Variants in IQCK observed in about 807,000 individuals in gnomAD.
IQCK encodes IQ domain-containing protein K.
A neutral mutation model predicts 28.1 loss-of-function variants in IQCK; 29 were observed. The observed-to-expected ratio is 1.03, with a 90% CI of 0.77 to 1.41. IQCK has a LOEUF of 1.41. Ranked by LOEUF, IQCK falls within the 40% of genes most tolerant of loss-of-function variation. The pLI is 0.00. For synonymous variants in IQCK, 113 were observed against 115.1 expected (o/e 0.98, Z 0.12); for missense variants, 359 against 314.7 (o/e 1.14, Z -1.07).
At chr16:19,737,057 G>A (rs1196920992) in intron 4 of IQCK, among the ~76,000 whole-genome samples, 1 of 151,824 alleles carries the variant, frequency 6.6e-6, no homozygotes, top group Non-Finnish European at 1.5e-5. Context: ...AGCTGCTCAT[G>A]GGGCTGAGAT....
chr16:19,837,437 C>G (rs1009544312), intron 9 of IQCK, among the ~76,000 whole-genome samples: 4 of 152,150 alleles, frequency 2.6e-5, no homozygotes, highest in East Asian at 1.9e-4. Flanking sequence ...TTTGGAGGGT[C>G]TGACAGAACC....
intron 6 of IQCK, among the ~76,000 whole-genome samples, chr16:19,779,835 A>T (rs1240861665): frequency 6.6e-6 from 1 of 150,594 alleles, no homozygotes; most frequent in Non-Finnish European, 1.5e-5. Context: ...CTCCTGCCTC[A>T]GCCTCCCGAG....
intron 6 of IQCK, among the ~76,000 whole-genome samples, chr16:19,777,735 C>A (rs749009670): frequency 1.3e-5 from 2 of 152,098 alleles, no homozygotes; most frequent in African/African-American, 2.4e-5. Context: ...TTTCTTCCTG[C>A]TGTTTCTCCA....
intron 1 of IQCK, among the ~76,000 whole-genome samples, chr16:19,721,311 G>A (rs1977488655): frequency 6.6e-6 from 1 of 152,150 alleles, no homozygotes. Context: ...TACAAAGTAG[G>A]TCAATATCTA....
At chr16:19,748,296 A>C (rs1008610259) in intron 4 of IQCK, among the ~76,000 whole-genome samples, 1 of 151,908 alleles carries the variant, frequency 6.6e-6, no homozygotes, top group African/African-American at 2.4e-5. Context: ...GCCAGTCTGA[A>C]ACTTCTGACT....
At chr16:19,764,176 T>C in intron 6 of IQCK, 64 bp downstream of exon 6, 6 of 1,347,952 alleles carry the variant, frequency 4.5e-6, no homozygotes, top group South Asian at 3.8e-5. Context: ...ATAATACTTT[T>C]CTTCCATCTA....
chr16:19,855,438 A>G (rs4782292), intron 9 of IQCK, among the ~76,000 whole-genome samples: 1 of 152,066 alleles, frequency 6.6e-6, no homozygotes, highest in Admixed American at 6.5e-5. Flanking sequence ...TAAAAATACA[A>G]AAAGTAGCAG....
intron 4 of IQCK, among the ~76,000 whole-genome samples, chr16:19,742,513 C>A (rs2054852208): frequency 6.6e-6 from 1 of 152,152 alleles, no homozygotes; most frequent in African/African-American, 2.4e-5. Context: ...TTCCTCACAT[C>A]CTGTCATTGG....
At chr16:19,734,237 C>CT (rs1977933193) in intron 3 of IQCK, among the ~76,000 whole-genome samples, 2 of 152,046 alleles carry the variant, frequency 1.3e-5, no homozygotes, top group Admixed American at 1.3e-4. Flanking sequence ...TGGCTCATGC[C>CT]TATAATCCCA....
In IQCK at chr16:19,808,375, C is replaced by T. The variant is rs77833760; in HGVS notation, c.691-18651C>T. ...GTCACAATGTACCCCCAGTATGTGA[C>T]GAAAACTGATAAACCACACTCCAGG... On this transcript the variant is annotated intron_variant, in intron 7 of 7. Transcript: ENST00000564186. 3.5e-4 allele frequency among the ~76,000 whole-genome samples: 53 copies of T among 152,272 alleles called. No homozygotes were observed. In the East Asian group the frequency reaches 7.0e-3, roughly 20 times the overall value.
intron 7 of IQCK, among the ~76,000 whole-genome samples, chr16:19,816,079 A>G (rs1025673832): frequency 3.9e-5 from 6 of 152,178 alleles, no homozygotes; most frequent in African/African-American, 1.4e-4. Context: ...ACTGTAATAT[A>G]TGAACTGCCT....
At chr16:19,778,764 T>A (rs2055433182) in intron 6 of IQCK, among the ~76,000 whole-genome samples, 2 of 152,208 alleles carry the variant, frequency 1.3e-5, no homozygotes, top group African/African-American at 2.4e-5. Flanking sequence ...ACACATTTGG[T>A]GTCAGAAGTC....
chr16:19,749,934 G>GTAATTTACACATCTA (rs2054963675), intron 4 of IQCK, among the ~76,000 whole-genome samples: 1 of 152,082 alleles, frequency 6.6e-6, no homozygotes, highest in South Asian at 2.1e-4. Flanking sequence ...CAGTGTAAGG[G>GTAATTTACACATCTA]AAGCTTAATG....
intron 7 of IQCK, among the ~76,000 whole-genome samples, chr16:19,812,229 C>T (rs533904274): frequency 1.9e-4 from 29 of 152,230 alleles, no homozygotes; most frequent in African/African-American, 6.3e-4. Flanking sequence ...TCAAGTGATC[C>T]GCCCACCTGG....
intron 7 of IQCK, among the ~76,000 whole-genome samples, chr16:19,824,348 T>C (rs1177839073): frequency 6.6e-6 from 1 of 152,200 alleles, no homozygotes; most frequent in East Asian, 1.9e-4. Flanking sequence ...ATGCTGCCAC[T>C]GATCTGACAG....
intron 4 of IQCK, among the ~76,000 whole-genome samples, chr16:19,743,912 G>A (rs1178804543): frequency 3.3e-5 from 5 of 152,210 alleles, no homozygotes; most frequent in Admixed American, 6.5e-5. Context: ...AACAGCAAGA[G>A]CTGGCACCTA....
At chr16:19,857,342 A>C (rs2056574436) in exon 10 of IQCK, 9 of 389,552 alleles carry the variant, frequency 2.3e-5, no homozygotes, top group South Asian at 1.7e-4. Context: ...CAGCATTTTG[A>C]AAATAAAACC....
intron 6 of IQCK, among the ~76,000 whole-genome samples, chr16:19,786,617 G>A (rs1184709922): frequency 7.2e-6 from 1 of 138,928 alleles, no homozygotes. Flanking sequence ...AGGATCGCTT[G>A]AACCTGGGAG....
At chr16:19,855,308 A>G (rs2056544826) in intron 9 of IQCK, among the ~76,000 whole-genome samples, 1 of 152,098 alleles carries the variant, frequency 6.6e-6, no homozygotes, top group Admixed American at 6.5e-5. Context: ...AAATAACCAC[A>G]GGGCCAGGCG....
Sources: gnomAD v4.1 joint callset for allele counts (sites outside exome capture counted in the v4.1 genomes callset) on GRCh38, gnomAD v4.1.1 for gene constraint, MANE v1.5 for transcripts, NCBI Gene and HGNC (gene_info 2026-07-23, HGNC 2026-07-21) for gene names.